Variants in KHDRBS2 observed in about 807,000 individuals in gnomAD.
KHDRBS2 encodes the protein KH domain-containing, RNA-binding, signal transduction-associated protein 2.
In KHDRBS2, 26 loss-of-function variants were observed where a neutral mutation model predicts 44.3. The observed-to-expected ratio is 0.59, with a 90% CI of 0.43 to 0.81. KHDRBS2 has a LOEUF of 0.81. KHDRBS2 is among the 40% of genes least tolerant of loss of function. The probability of loss-of-function intolerance (pLI) is 0.00; values close to 1 mark genes in which losing one functional copy is unlikely to be tolerated. For synonymous variants in KHDRBS2, 194 were observed against 151.1 expected (o/e 1.28, Z -2.08); for missense variants, 476 against 433.1 (o/e 1.10, Z -0.88).
intron 6 of KHDRBS2, chr6:61,816,596 T>G: frequency 2.2e-6 from 1 of 449,086 alleles, no homozygotes; most frequent in Non-Finnish European, 4.5e-6. Context: ...ATAAATGTCT[T>G]TTGTTTTAAC....
intron 4 of KHDRBS2, among the ~76,000 whole-genome samples, chr6:61,938,697 C>G (rs76398181): frequency 6.6e-6 from 1 of 151,988 alleles, no homozygotes; most frequent in Non-Finnish European, 1.5e-5. Context: ...AAAGGAAAAC[C>G]AACAGAGGCA....
chr6:61,551,799 G>T, the KHDRBS2 span, among the ~76,000 whole-genome samples: 2 of 152,254 alleles, frequency 1.3e-5, no homozygotes, highest in East Asian at 1.9e-4. Context: ...GTAACATGAT[G>T]CCTTCTGCTC....
rs146752540 is a variant in KHDRBS2 at position 61,866,444 on chromosome 6, C to T, written c.810+28191G>A. 4.6e-3 allele frequency among the ~76,000 whole-genome samples: 704 copies of T among 152,280 alleles called. 10 individuals are homozygous for T. Among genetic ancestry groups the T allele is most frequent in the African/African-American group, 0.016 (664 of 41,562 alleles). ...CAGGGCACCAAGTCCCTAGGCTGCA[C>T]ACAACATGGGGACACTGGCCCTCTG... is the stretch of plus-strand genomic sequence containing the variant. On this transcript the variant is annotated intron_variant, in intron 6 of 8. Transcript: ENST00000281156.
chr6:61,712,440 T>C (rs1770664477), intron 7 of KHDRBS2, among the ~76,000 whole-genome samples: 1 of 151,894 alleles, frequency 6.6e-6, no homozygotes, highest in Non-Finnish European at 1.5e-5. Context: ...GACCAATGTA[T>C]GCAAATGGAG....
intron 6 of KHDRBS2, among the ~76,000 whole-genome samples, chr6:61,817,212 G>C (rs568548620): frequency 2.0e-5 from 3 of 152,182 alleles, no homozygotes; most frequent in African/African-American, 7.2e-5. Context: ...ACTGATGATG[G>C]TGTTCAAGTT....
chr6:61,930,648 G>T (rs531720816), intron 4 of KHDRBS2, among the ~76,000 whole-genome samples: 1 of 145,026 alleles, frequency 6.9e-6, no homozygotes, highest in Admixed American at 6.9e-5. Context: ...AGTGAGCCAA[G>T]ATGGCGCCAC....
At chr6:61,796,701 T>C (rs2127587736) in intron 6 of KHDRBS2, among the ~76,000 whole-genome samples, 1 of 152,276 alleles carries the variant, frequency 6.6e-6, no homozygotes, top group East Asian at 1.9e-4. Context: ...ATTTTGGTTA[T>C]GTACAAAACA....
intron 1 of KHDRBS2, among the ~76,000 whole-genome samples, chr6:62,267,664 T>C (rs1839418991): frequency 6.6e-6 from 1 of 152,020 alleles, no homozygotes; most frequent in Non-Finnish European, 1.5e-5. Flanking sequence ...TAAGTCAAAA[T>C]GAGCTAAAGA....
chr6:61,844,797 C>A (rs144690466), intron 6 of KHDRBS2, among the ~76,000 whole-genome samples: 8 of 152,042 alleles, frequency 5.3e-5, no homozygotes, highest in African/African-American at 1.7e-4. Flanking sequence ...TATATTCTGC[C>A]GTACATTTTA....
intron 2 of KHDRBS2, among the ~76,000 whole-genome samples, chr6:62,068,034 T>C (rs1215988393): frequency 6.6e-6 from 1 of 151,620 alleles, no homozygotes; most frequent in Non-Finnish European, 1.5e-5. Context: ...GTGAGTTGAA[T>C]ACTTTTATCT....
At chr6:61,968,573 T>A (rs1562550338) in intron 4 of KHDRBS2, among the ~76,000 whole-genome samples, 3 of 152,060 alleles carry the variant, frequency 2.0e-5, no homozygotes, top group Non-Finnish European at 4.4e-5. Flanking sequence ...TGGCAAGTGC[T>A]TGCTGAATGG....
intron 1 of KHDRBS2, among the ~76,000 whole-genome samples, chr6:62,195,046 C>T (rs1458855235): frequency 1.3e-5 from 2 of 152,058 alleles, no homozygotes; most frequent in African/African-American, 4.8e-5. Context: ...AATATTTAGT[C>T]TTTCAAATGA....
At chr6:61,596,268 G>A in the KHDRBS2 span, among the ~76,000 whole-genome samples, 1 of 152,222 alleles carries the variant, frequency 6.6e-6, no homozygotes, top group Admixed American at 6.5e-5. Context: ...AGAGGCAACA[G>A]TTTCATGATC....
intron 6 of KHDRBS2, among the ~76,000 whole-genome samples, chr6:61,776,283 T>G (rs1331316115): frequency 2.6e-5 from 4 of 151,938 alleles, no homozygotes; most frequent in Non-Finnish European, 4.4e-5. Flanking sequence ...AAGCCAAAAT[T>G]GACAAATGGG....
At chr6:62,045,949 C>A (rs201642033) in intron 3 of KHDRBS2, among the ~76,000 whole-genome samples, 1,234 of 132,284 alleles carry the variant, frequency 9.3e-3, no homozygotes, top group Non-Finnish European at 0.011. Context: ...GCAAGTGGAA[C>A]AAAAAAAAAA....
At chr6:61,900,351 G>C (rs962431849) in intron 5 of KHDRBS2, among the ~76,000 whole-genome samples, 1 of 152,032 alleles carries the variant, frequency 6.6e-6, no homozygotes, top group Non-Finnish European at 1.5e-5. Flanking sequence ...CATATCTTAA[G>C]ATAATTTTAT....
intron 1 of KHDRBS2, among the ~76,000 whole-genome samples, chr6:62,272,712 C>T (rs769112848): frequency 6.6e-6 from 1 of 152,164 alleles, no homozygotes; most frequent in Non-Finnish European, 1.5e-5. Context: ...AGAAAGCAGA[C>T]TCCTGCAATG....
At chr6:61,872,107 A>C (rs1399070345) in intron 6 of KHDRBS2, among the ~76,000 whole-genome samples, 1 of 152,220 alleles carries the variant, frequency 6.6e-6, no homozygotes, top group African/African-American at 2.4e-5. Flanking sequence ...AAAAGAAAGA[A>C]AATAGAAAAC....
chr6:61,578,000 C>CAA, the KHDRBS2 span, among the ~76,000 whole-genome samples: 1 of 152,050 alleles, frequency 6.6e-6, no homozygotes, highest in African/African-American at 2.4e-5. Context: ...AGTCTCTCTT[C>CAA]ATTAATAAAA....
Sources: gnomAD v4.1 joint callset for allele counts (sites outside exome capture counted in the v4.1 genomes callset) on GRCh38, gnomAD v4.1.1 for gene constraint, MANE v1.5 for transcripts, NCBI Gene and HGNC (gene_info 2026-07-23, HGNC 2026-07-21) for gene names.